FRG2B: variants seen among roughly 807,000 people sequenced by gnomAD.
FRG2B encodes FSHD region gene 2 family member B.
For missense variants in FRG2B, 95 were observed against 310.7 expected, an observed-to-expected ratio of 0.31 and a Z score of 5.22; for synonymous variants, 33 against 117.1, an observed-to-expected ratio of 0.28 and a Z score of 4.64.
rs1301971216 is a variant in FRG2B, at chr10:133,624,653, AG to A, written c.*445del. ...GCATGAGAATTGTTTGAACCCAGGAAGCAGAGGTTGCAGTGAGCTAAGATTG... is the reference window on the plus strand; with the variant it reads ...GCATGAGAATTGTTTGAACCCAGGAACAGAGGTTGCAGTGAGCTAAGATTG... On this transcript the variant is annotated 3_prime_UTR_variant, in exon 4 of 4. Transcript: ENST00000425520. 2 of 160,260 alleles carry A rather than the reference AG, an allele frequency of 1.2e-5. No individual in the cohort carries two copies. Among genetic ancestry groups the A allele is most frequent in the African/African-American group, 5.5e-5 (2 of 36,412 alleles). The allele number at this position is 160,260 out of a possible 1,614,324, so 9.9% of individuals were successfully genotyped here. A position where few individuals can be genotyped will look rare whatever the true frequency, so the allele number is the denominator to read the frequency against.
rs1284313540 is a variant in FRG2B, at chr10:133,625,002, A to G, written c.*97T>C. The G allele has an allele frequency of 2.4e-6, 1 of 409,264 alleles. No individual in the cohort carries two copies. Among genetic ancestry groups the G allele is most frequent in the East Asian group, 4.1e-5 (1 of 24,134 alleles). 25.4% of individuals were successfully genotyped at this position (409,264 alleles called of 1,614,324 possible). ...TGTCATTTATTAACACAGTGTGTCT[A>G]AAATTGTCACTGCTGGTCATCTGGA... On this transcript the variant is annotated 3_prime_UTR_variant, in exon 4 of 4. Coordinates refer to ENST00000425520, the MANE Select transcript of FRG2B (RefSeq NM_001080998.2).
At position 133,624,217 on chromosome 10, in the gene FRG2B, A is replaced by G. The variant is rs1852480471; in HGVS notation, c.*882T>C. ...AATGAAACATGAGGCAGGTCAATAA[A>G]TAAGTACAATCATTTACCATTTACT... On this transcript the variant is annotated 3_prime_UTR_variant, in exon 4 of 4. Coordinates refer to ENST00000425520, the MANE Select transcript of FRG2B (RefSeq NM_001080998.2). 1 of 88,212 alleles carries G rather than the reference A, an allele frequency of 1.1e-5. No individual in the cohort carries two copies. 5.5% of individuals were successfully genotyped at this position (88,212 alleles called of 1,614,324 possible).
Position 133,624,768 on chromosome 10 carries a change from T to C in FRG2B, c.*331A>G, listed in dbSNP as rs1852484436. The C allele has an allele frequency of 4.1e-6, 1 of 243,444 alleles. No individual in the cohort carries two copies. Among genetic ancestry groups the C allele is most frequent in the Non-Finnish European group, 7.8e-6 (1 of 128,108 alleles). The allele number at this position is 243,444 out of a possible 1,614,324, so 15.1% of individuals were successfully genotyped here. A position where few individuals can be genotyped will look rare whatever the true frequency, so the allele number is the denominator to read the frequency against. ...GCACATAATTTTATATTTACTTTTC[T>C]ACAATCTAAAATATGCAAATTCACG... On this transcript the variant is annotated 3_prime_UTR_variant, in exon 4 of 4. Transcript: ENST00000425520.
chr10:133,624,981 A>C lies in FRG2B; in HGVS notation c.*118T>G. ...TCCTATGACTTCTTCAGGTTCTGTC[A>C]TTTATTAACACAGTGTGTCTAAAAT... On this transcript the variant is annotated 3_prime_UTR_variant, in exon 4 of 4. Transcript: ENST00000425520. 1 of 360,626 alleles carries C rather than the reference A, an allele frequency of 2.8e-6. No homozygotes were observed. The highest frequency in any genetic ancestry group is 4.8e-5 in the East Asian group (1 of 20,842). 22.3% of individuals were successfully genotyped at this position (360,626 alleles called of 1,614,324 possible).
Position 133,626,556 on chromosome 10 carries a change from AG to A in FRG2B, c.178+8del, listed in dbSNP as rs1564874226. 1 of 1,613,880 alleles carries A rather than the reference AG, an allele frequency of 6.2e-7. No homozygotes were observed. Among genetic ancestry groups the A allele is most frequent in the African/African-American group, 1.3e-5 (1 of 75,056 alleles). On this transcript the variant is annotated splice_region_variant and intron_variant, in intron 1 of 3. Coordinates refer to ENST00000425520, the MANE Select transcript of FRG2B (RefSeq NM_001080998.2). ...TTCCAGACTCCATAGGAGCAGCCCA[AG>A]GCCTTACCTTGCCTTTGTATGTGCT...
In FRG2B at chr10:133,624,157, TATA is replaced by T. The variant is rs970870110; in HGVS notation, c.*939_*941del. On this transcript the variant is annotated 3_prime_UTR_variant, in exon 4 of 4. Coordinates refer to ENST00000425520, the MANE Select transcript of FRG2B (RefSeq NM_001080998.2). The stretch of plus-strand genomic sequence containing the variant: ...GTACAATCAATTGAAATGTATAAAA[TATA>T]ATAAAATATAAATTTAGGATGTTTA... 1.1e-5 allele frequency: 1 copy of T among 89,660 alleles called. No individual in the cohort carries two copies. The highest frequency in any genetic ancestry group is 1.9e-5 in the Non-Finnish European group (1 of 52,182). The allele number at this position is 89,660 out of a possible 1,614,324, so 5.6% of individuals were successfully genotyped here. A position where few individuals can be genotyped will look rare whatever the true frequency, so the allele number is the denominator to read the frequency against.
rs1852481226 is a variant in FRG2B, at chr10:133,624,316, C to A, written c.*783G>T. ...CATAGTAATTTTACTATAATTATAT[C>A]AAACAAAATATATAGACATTTTCCC... On this transcript the variant is annotated 3_prime_UTR_variant, in exon 4 of 4. Coordinates refer to ENST00000425520, the MANE Select transcript of FRG2B (RefSeq NM_001080998.2). 1 of 98,814 alleles carries A rather than the reference C, an allele frequency of 1.0e-5. No individual in the cohort carries two copies. The allele number at this position is 98,814 out of a possible 1,614,324, so 6.1% of individuals were successfully genotyped here.
At chr10:133,625,888 C>CAACGA in intron 3 of FRG2B, 34 bp downstream of exon 3, 1 of 1,443,896 alleles carries the variant, frequency 6.9e-7, no homozygotes. Context: ...AACAAAAAAA[C>CAACGA]CACCACCAAC....
chr10:133,624,246 TCTTGA>T lies in FRG2B; in HGVS notation c.*848_*852del, dbSNP rs1238261185. The T allele has an allele frequency of 4.4e-5, 4 of 91,772 alleles. No homozygotes were observed. The East Asian group carries it at 9.9e-4, about 23-fold the overall frequency. The allele number at this position is 91,772 out of a possible 1,614,324, so 5.7% of individuals were successfully genotyped here. ...GTACAATCATTTACCATTTACTATA[TCTTGA>T]CTTAAATTTTATGTAGAAATATTAA... On this transcript the variant is annotated 3_prime_UTR_variant, in exon 4 of 4. Coordinates refer to ENST00000425520, the MANE Select transcript of FRG2B (RefSeq NM_001080998.2).
chr10:133,624,903 G>A lies in FRG2B; in HGVS notation c.*196C>T, dbSNP rs1482023559. ...TATAAAATTTGTCTATAGTCTTAGCGGTCTGCAAAATTCAGGGCTCTCACC... is the reference window on the plus strand; with the variant it reads ...TATAAAATTTGTCTATAGTCTTAGCAGTCTGCAAAATTCAGGGCTCTCACC... On this transcript the variant is annotated 3_prime_UTR_variant, in exon 4 of 4. Transcript: ENST00000425520. 5.7e-5 allele frequency: 10 copies of A among 175,656 alleles called. No individual in the cohort carries two copies. Among genetic ancestry groups the A allele is most frequent in the African/African-American group, 2.4e-4 (3 of 12,598 alleles). 10.9% of individuals were successfully genotyped at this position (175,656 alleles called of 1,614,324 possible).
rs1852478967 is a variant in FRG2B at position 133,623,952 on chromosome 10, C to G, written c.*1147G>C. On this transcript the variant is annotated 3_prime_UTR_variant, in exon 4 of 4. Coordinates refer to ENST00000425520, the MANE Select transcript of FRG2B (RefSeq NM_001080998.2). ...TCCATATGAAAGAAATTTAAAATTC[C>G]AAACAACATTGTTTATTTCATTACA... 6.8e-6 allele frequency: 1 copy of G among 147,384 alleles called. No individual in the cohort carries two copies. The highest frequency in any genetic ancestry group is 1.5e-5 in the Non-Finnish European group (1 of 67,464). The allele number at this position is 147,384 out of a possible 1,614,324, so 9.1% of individuals were successfully genotyped here.
Position 133,623,960 on chromosome 10 carries a change from ATTGT to A in FRG2B, c.*1135_*1138del, listed in dbSNP as rs1212703646. 2.7e-5 allele frequency: 4 copies of A among 147,098 alleles called. No homozygotes were observed. The highest frequency in any genetic ancestry group is 1.0e-4 in the African/African-American group (4 of 38,638). The allele number at this position is 147,098 out of a possible 1,614,324, so 9.1% of individuals were successfully genotyped here. On this transcript the variant is annotated 3_prime_UTR_variant, in exon 4 of 4. Transcript: ENST00000425520. ...AAAGAAATTTAAAATTCCAAACAAC[ATTGT>A]TTATTTCATTACATAAAATGAAAAT...
At position 133,623,928 on chromosome 10, in the gene FRG2B, C is replaced by A. The variant is rs1358824750; in HGVS notation, c.*1171G>T. The stretch of plus-strand genomic sequence containing the variant: ...TTCACATTTTTATTAAATACAAATT[C>A]CATATGAAAGAAATTTAAAATTCCA... On this transcript the variant is annotated 3_prime_UTR_variant, in exon 4 of 4. Transcript: ENST00000425520. The A allele has an allele frequency of 6.7e-6, 1 of 150,040 alleles. No homozygotes were observed. Among genetic ancestry groups the A allele is most frequent in the Non-Finnish European group, 1.5e-5 (1 of 67,812 alleles). 9.3% of individuals were successfully genotyped at this position (150,040 alleles called of 1,614,324 possible).
In FRG2B at chr10:133,624,512, T is replaced by C. The variant is rs909417550; in HGVS notation, c.*587A>G. 5.7e-4 allele frequency: 52 copies of C among 91,000 alleles called. 1 individual carries two copies. Among genetic ancestry groups the C allele is most frequent in the Non-Finnish European group, 9.3e-4 (48 of 51,392 alleles). 5.6% of individuals were successfully genotyped at this position (91,000 alleles called of 1,614,324 possible). A position where few individuals can be genotyped will look rare whatever the true frequency, so the allele number is the denominator to read the frequency against. On this transcript the variant is annotated 3_prime_UTR_variant, in exon 4 of 4. Coordinates refer to ENST00000425520, the MANE Select transcript of FRG2B (RefSeq NM_001080998.2). ...GCGGAGGCTGGCAGATCACCTGAGT[T>C]CGAGGCCAACCTGGCCAAAGTGACA...
chr10:133,625,359 C>T lies in FRG2B; in HGVS notation c.577G>A (p.Val193Met). 1 of 1,604,156 alleles carries T rather than the reference C, an allele frequency of 6.2e-7. No homozygotes were observed. The highest frequency in any genetic ancestry group is 8.5e-7 in the Non-Finnish European group (1 of 1,177,466). ...SEAVYQDLAQ[V>M]WAQQIHSPLT... ...GGAGAATGGATCTGCTGTGCCCACA[C>T]CTGGGCTAGGTCTTGATAAACAGCC... is the stretch of plus-strand genomic sequence containing the variant. The change falls in exon 4 of 4, where the codon GTG becomes ATG. Residue 193 changes from valine to methionine, a missense_variant. Transcript: ENST00000425520.
At position 133,625,485 on chromosome 10, in the gene FRG2B, C is replaced by G. The variant is rs768993303; in HGVS notation, c.451G>C (p.Ala151Pro). The G allele has an allele frequency of 1.2e-6, 2 of 1,611,644 alleles. No homozygotes were observed. Among genetic ancestry groups the G allele is most frequent in the Admixed American group, 3.3e-5 (2 of 59,906 alleles). Residue 151 changes from alanine (A) to proline (P), a missense_variant, in exon 4 of 4, where the codon GCT becomes CCT. By Grantham distance (27) the Ala-to-Pro change is conservative. Transcript: ENST00000425520. The stretch of plus-strand genomic sequence containing the variant: ...TGCCGCTTGCTGCGCCCAGTGCAAG[C>G]CCTGGAACGTCCCCTATGGTGGGCA... ...CDAHHRGRSR[A>P]CTGRSKRHRS...
chr10:133,625,588 C>T lies in FRG2B; in HGVS notation c.348G>A (p.Lys116=). ...TTTTATTCAATGACAAGCTGCACTC[C>T]TTTTCTGGACAGTTCCCTGCAAAGA... The part of the protein sequence containing the change: ...CQDTAGNCPE[K]ECSLSLNKKS... The change falls in exon 4 of 4, where the codon AAG becomes AAA. Residue 116 remains lysine, a synonymous_variant. Transcript: ENST00000425520. 6.3e-7 allele frequency: 1 copy of T among 1,576,420 alleles called. No homozygotes were observed. Among genetic ancestry groups the T allele is most frequent in the Non-Finnish European group, 8.6e-7 (1 of 1,163,282 alleles).
At position 133,625,516 on chromosome 10, in the gene FRG2B, G is replaced by T; in HGVS notation, c.420C>A (p.Thr140=). The T allele has an allele frequency of 6.2e-7, 1 of 1,606,876 alleles. No homozygotes were observed. Among genetic ancestry groups the T allele is most frequent in the Non-Finnish European group, 8.5e-7 (1 of 1,177,128 alleles). The change falls in exon 4 of 4, where the codon ACC becomes ACA. Residue 140 remains threonine, a synonymous_variant. Coordinates refer to ENST00000425520, the MANE Select transcript of FRG2B (RefSeq NM_001080998.2). ...TPVHNSEIQE[T]CDAHHRGRSR... ...AACGTCCCCTATGGTGGGCATCACAGGTCTCCTGGATTTCACTGTTGTGCA... is the reference window on the plus strand; with the variant it reads ...AACGTCCCCTATGGTGGGCATCACATGTCTCCTGGATTTCACTGTTGTGCA...
In FRG2B at chr10:133,626,627, G is replaced by C. The variant is rs770499895; in HGVS notation, c.116C>G (p.Pro39Arg). 6.2e-7 allele frequency: 1 copy of C among 1,611,402 alleles called. No homozygotes were observed. Among genetic ancestry groups the C allele is most frequent in the Non-Finnish European group, 8.5e-7 (1 of 1,179,376 alleles). ...FTEKGSDEKK[P>R]FKEKGKTAFS... ...GGCGGTCTTGCCTTTTTCTTTGAAT[G>C]GTTTCTTCTCATCTGAGCCCTTTTC... The change falls in exon 1 of 4, where the codon CCA becomes CGA. Residue 39 changes from proline (P) to arginine (R), a missense_variant. Pro to Arg is a moderately radical substitution (Grantham distance 103). Coordinates refer to ENST00000425520, the MANE Select transcript of FRG2B (RefSeq NM_001080998.2).
Sources: allele counts gnomAD v4.1 joint callset, GRCh38; gene constraint gnomAD v4.1.1; transcripts MANE v1.5; gene names NCBI Gene and HGNC (gene_info 2026-07-23, HGNC 2026-07-21).